AUTS2: variants seen among roughly 807,000 people sequenced by gnomAD.
The protein encoded by AUTS2 is autism susceptibility gene 2 protein.
AUTS2 carries 17 observed loss-of-function variants against 112.4 expected under a neutral mutation model. The ratio of observed to expected loss-of-function variants is 0.15; its 90% confidence interval spans 0.10 to 0.23. The LOEUF (loss-of-function observed/expected upper bound fraction) is 0.23, where lower values mean the gene tolerates loss of function less well. Ranked by LOEUF, AUTS2 falls within the 10% of genes least tolerant of loss-of-function variation. The probability of loss-of-function intolerance (pLI) is 1.00; values close to 1 mark genes in which losing one functional copy is unlikely to be tolerated. For missense variants in AUTS2, 1,510 were observed against 1,701.6 expected (o/e 0.89, Z 1.98); for synonymous variants, 751 against 702.7 (o/e 1.07, Z -1.09).
chr7:70,062,470 G>T (rs912046682), intron 2 of AUTS2, among the ~76,000 whole-genome samples: 2 of 147,738 alleles, frequency 1.4e-5, no homozygotes, highest in South Asian at 4.2e-4. Flanking sequence ...CCAAGATCAC[G>T]CCACTGCACT....
intron 1 of AUTS2, among the ~76,000 whole-genome samples, chr7:69,820,224 G>A (rs761397527): frequency 1.3e-5 from 2 of 152,168 alleles, no homozygotes; most frequent in Non-Finnish European, 2.9e-5. Context: ...TGGACTAAAA[G>A]GCCACGAATC....
chr7:69,810,643 A>T (rs922058187), intron 1 of AUTS2, among the ~76,000 whole-genome samples: 7 of 152,130 alleles, frequency 4.6e-5, no homozygotes, highest in African/African-American at 1.7e-4. Context: ...AGGAGCATAG[A>T]TGTAAAAACC....
In AUTS2 at chr7:70,739,443, A is replaced by T. The variant is rs192009546; in HGVS notation, c.743-23427A>T. ...GATCTTCCCACCTTGGCCTCCCAAA[A>T]TGCTGATATTACAGGCATGAGCCAC... is the stretch of plus-strand genomic sequence containing the variant. On this transcript the variant is annotated intron_variant, in intron 6 of 18. Transcript: ENST00000342771. Among the ~76,000 whole-genome samples the T allele has an allele frequency of 3.4e-3, 516 of 151,466 alleles. 1 individual carries two copies. Among genetic ancestry groups the T allele is most frequent in the South Asian group, 9.6e-3 (46 of 4,780 alleles).
intron 1 of AUTS2, among the ~76,000 whole-genome samples, chr7:69,675,068 C>T (rs1796496681): frequency 3.9e-5 from 6 of 152,132 alleles, no homozygotes; most frequent in Admixed American, 3.9e-4. Flanking sequence ...CACAGTTTAC[C>T]CTTGATAGTG....
rs949790084 is a variant in AUTS2 at position 69,836,099 on chromosome 7, A to G, written c.310-63187A>G. ...TGTGCGTGAGAAATGTCAAAGTGAC[A>G]GATTTGGGTTCAAAAGATTGTACAC... On this transcript the variant is annotated intron_variant, in intron 1 of 18. Transcript: ENST00000342771. Among the ~76,000 whole-genome samples, 9 of 152,238 alleles carry G rather than the reference A, an allele frequency of 5.9e-5. 1 individual carries two copies. The highest frequency in any genetic ancestry group is 5.9e-4 in the Admixed American group (9 of 15,282).
intron 1 of AUTS2, among the ~76,000 whole-genome samples, chr7:69,846,381 CTT>C (rs1351050569): frequency 6.6e-6 from 1 of 152,194 alleles, no homozygotes; most frequent in South Asian, 2.1e-4. Context: ...TTTGCAGAGA[CTT>C]GAGCCACTGA....
In AUTS2 at chr7:70,189,933, C is replaced by T. The variant is rs771739624; in HGVS notation, c.660+55362C>T. On this transcript the variant is annotated intron_variant, in intron 4 of 18. Transcript: ENST00000342771. ...AAGGCTTATTTGGCCTTGAAGGGCTCGTTTGGCCTTGATCCGGTACTGATT... is the reference window on the plus strand; with the variant it reads ...AAGGCTTATTTGGCCTTGAAGGGCTTGTTTGGCCTTGATCCGGTACTGATT... Among the ~76,000 whole-genome samples, 10 of 152,098 alleles carry T rather than the reference C, an allele frequency of 6.6e-5. 1 individual carries two copies. Among genetic ancestry groups the T allele is most frequent in the Admixed American group, 4.6e-4 (7 of 15,276 alleles).
chr7:70,385,603 G>C (rs1378082050), intron 4 of AUTS2, among the ~76,000 whole-genome samples: 1 of 152,180 alleles, frequency 6.6e-6, no homozygotes, highest in Non-Finnish European at 1.5e-5. Context: ...GGAGGGCCAG[G>C]TGTGCACCTG....
chr7:70,356,462 TGAG>T (rs774048003), intron 4 of AUTS2, among the ~76,000 whole-genome samples: 4 of 152,362 alleles, frequency 2.6e-5, no homozygotes, highest in Admixed American at 2.6e-4. Flanking sequence ...CCTAATCATT[TGAG>T]GAGAAGGATA....
At chr7:69,982,516 T>TTATG (rs1353968086) in intron 2 of AUTS2, among the ~76,000 whole-genome samples, 1 of 151,998 alleles carries the variant, frequency 6.6e-6, no homozygotes, top group African/African-American at 2.4e-5. Flanking sequence ...AGTATGCATG[T>TTATG]TATGTATGTG....
At chr7:70,370,397 A>G (rs1031909153) in intron 4 of AUTS2, among the ~76,000 whole-genome samples, 2 of 152,160 alleles carry the variant, frequency 1.3e-5, no homozygotes, top group African/African-American at 4.8e-5. Context: ...AGATTTGCCT[A>G]TTCTGGGCAT....
intron 6 of AUTS2, among the ~76,000 whole-genome samples, chr7:70,720,442 G>A (rs1426242710): frequency 6.6e-6 from 1 of 152,164 alleles, no homozygotes; most frequent in Non-Finnish European, 1.5e-5. Flanking sequence ...GAAGAGAGCT[G>A]CTTGAGAGCT....
At chr7:70,569,220 A>C (rs1434340118) in intron 5 of AUTS2, among the ~76,000 whole-genome samples, 1 of 152,242 alleles carries the variant, frequency 6.6e-6, no homozygotes, top group Non-Finnish European at 1.5e-5. Flanking sequence ...ACAGGCAGCC[A>C]GCACGTTATG....
At chr7:70,321,032 CA>C in intron 4 of AUTS2, among the ~76,000 whole-genome samples, 1 of 152,320 alleles carries the variant, frequency 6.6e-6, no homozygotes, top group Middle Eastern at 3.4e-3. Flanking sequence ...ATCTTAACAA[CA>C]TGACGACATT....
chr7:70,759,635 G>T (rs1789431926), intron 6 of AUTS2, among the ~76,000 whole-genome samples: 1 of 152,196 alleles, frequency 6.6e-6, no homozygotes, highest in Non-Finnish European at 1.5e-5. Flanking sequence ...CTGTGGTTAG[G>T]TTGAGATTGA....
At chr7:69,650,632 A>C (rs1188661409) in intron 1 of AUTS2, among the ~76,000 whole-genome samples, 1 of 152,236 alleles carries the variant, frequency 6.6e-6, no homozygotes, top group Non-Finnish European at 1.5e-5. Flanking sequence ...ATTTCGAGAC[A>C]GTGATGGTAG....
chr7:69,705,369 TCTC>T (rs965437297), intron 1 of AUTS2, among the ~76,000 whole-genome samples: 1 of 152,138 alleles, frequency 6.6e-6, no homozygotes, highest in Non-Finnish European at 1.5e-5. Context: ...TTTCTTCATT[TCTC>T]CTCCAAATAA....
intron 4 of AUTS2, among the ~76,000 whole-genome samples, chr7:70,161,409 G>A (rs1308460531): frequency 6.6e-6 from 1 of 151,640 alleles, no homozygotes. Flanking sequence ...GTTTCTTAGG[G>A]TGATCCCAGC....
intron 4 of AUTS2, among the ~76,000 whole-genome samples, chr7:70,428,779 T>C (rs148395799): frequency 4.7e-4 from 72 of 152,316 alleles, no homozygotes; most frequent in Non-Finnish European, 7.2e-4. Context: ...GTATGTGATA[T>C]ATTCAATGAT....
Sources: gnomAD v4.1 joint callset for allele counts (sites outside exome capture counted in the v4.1 genomes callset) on GRCh38, gnomAD v4.1.1 for gene constraint, MANE v1.5 for transcripts, NCBI Gene and HGNC (gene_info 2026-07-23, HGNC 2026-07-21) for gene names.